Variants in LPIN1 observed in about 807,000 individuals in gnomAD.
LPIN1 encodes phosphatidate phosphatase LPIN1.
A neutral mutation model predicts 107.5 loss-of-function variants in LPIN1; 71 were observed. The observed-to-expected ratio is 0.66, with a 90% CI of 0.55 to 0.80. LPIN1 has a LOEUF of 0.80. Among genes scored for constraint, LPIN1 ranks in the 30% least tolerant of loss-of-function variants. LPIN1 has a pLI of 0.00. For missense variants in LPIN1, 1,043 were observed against 1,160.6 expected, an observed-to-expected ratio of 0.90 and a Z score of 1.47; for synonymous variants, 445 against 452.6, an observed-to-expected ratio of 0.98 and a Z score of 0.21.
intron 1 of LPIN1, among the ~76,000 whole-genome samples, chr2:11,729,448 C>T (rs565122520): frequency 6.6e-6 from 1 of 152,284 alleles, no homozygotes; most frequent in African/African-American, 2.4e-5. Flanking sequence ...TTCACATATG[C>T]AGTTAACATA....
intron 17 of LPIN1, among the ~76,000 whole-genome samples, chr2:11,809,456 G>A (rs1359289251): frequency 6.6e-6 from 1 of 151,812 alleles, no homozygotes; most frequent in Non-Finnish European, 1.5e-5. Flanking sequence ...TGCTCTTGTT[G>A]TCCAGGCTGG....
At chr2:11,700,115 T>C (rs1274054566) in intron 1 of LPIN1, among the ~76,000 whole-genome samples, 4 of 152,132 alleles carry the variant, frequency 2.6e-5, no homozygotes, top group Admixed American at 6.5e-5. Flanking sequence ...GTGAAGTCCC[T>C]GCAAGTGAGC....
rs60914380 is a variant in LPIN1 at position 11,815,741 on chromosome 2, A to G, written c.2402+501A>G. Among the ~76,000 whole-genome samples, 364 of 151,864 alleles carry G rather than the reference A, an allele frequency of 2.4e-3. 1 individual carries two copies. Among genetic ancestry groups the G allele is most frequent in the African/African-American group, 8.3e-3 (343 of 41,388 alleles). ...GCCTTTGACACCCATCATACTTGTC[A>G]TTTTCTGTCTTAGATTTCTGGGAAC... On this transcript the variant is annotated intron_variant, in intron 18 of 20. Coordinates refer to ENST00000674199, the MANE Select transcript of LPIN1 (RefSeq NM_001349206.2).
At chr2:11,735,898 T>TG (rs1315006583) in intron 1 of LPIN1, among the ~76,000 whole-genome samples, 1 of 152,262 alleles carries the variant, frequency 6.6e-6, no homozygotes, top group Non-Finnish European at 1.5e-5. Flanking sequence ...AAGGTCTATC[T>TG]GCTGAGGCAT....
Position 11,765,483 on chromosome 2 carries a change from C to T in LPIN1, c.-9-50C>T. ...GAGGAGTTCATTTTGATTGGCTCTT[C>T]CTTGGATTAATTGTGTGTCTGTGTG... On this transcript the variant is annotated intron_variant, in intron 1 of 20. Coordinates refer to ENST00000674199, the MANE Select transcript of LPIN1 (RefSeq NM_001349206.2). This position sits in a 1 kb window ranked among gnomAD's most constrained non-coding sequence, Gnocchi z 4.4. 3 of 1,546,000 alleles carry T rather than the reference C, an allele frequency of 1.9e-6. No individual in the cohort carries two copies. The highest frequency in any genetic ancestry group is 2.6e-6 in the Non-Finnish European group (3 of 1,132,348).
In LPIN1 at chr2:11,707,421, C is replaced by A. The variant is rs1028984622; in HGVS notation, c.82-6335C>A. 2.6e-5 allele frequency among the ~76,000 whole-genome samples: 4 copies of A among 152,172 alleles called. No individual in the cohort carries two copies. Among genetic ancestry groups the A allele is most frequent in the African/African-American group, 9.7e-5 (4 of 41,440 alleles). On this transcript the variant is annotated intron_variant, in intron 1 of 21. Coordinates refer to the LPIN1 transcript ENST00000449576. The surrounding 1 kb of genome is among the most constrained non-coding windows in gnomAD (Gnocchi z 4.2). ...AGGTGGCAGGAGGTGAGTCCGGAAC[C>A]GTGGCCAGACCCCCTGAGGCCACTG...
intron 1 of LPIN1, among the ~76,000 whole-genome samples, chr2:11,691,130 CCTA>C (rs1662253507): frequency 1.4e-5 from 2 of 144,682 alleles, no homozygotes; most frequent in South Asian, 4.5e-4. Context: ...CACACCAACT[CCTA>C]GTCCTTTGTT....
chr2:11,722,852 T>C (rs1288715207), upstream of LPIN1, among the ~76,000 whole-genome samples: 1 of 152,250 alleles, frequency 6.6e-6, no homozygotes, highest in Non-Finnish European at 1.5e-5. Flanking sequence ...GTGAATATTT[T>C]AGGAACAATC....
intron 13 of LPIN1, among the ~76,000 whole-genome samples, chr2:11,793,462 G>A (rs1676129596): frequency 1.3e-5 from 2 of 152,260 alleles, no homozygotes; most frequent in East Asian, 1.9e-4. Context: ...GCCTTACTGT[G>A]GTTCCCCAGG....
intron 1 of LPIN1, among the ~76,000 whole-genome samples, chr2:11,704,667 C>T (rs1440519621): frequency 1.3e-5 from 2 of 152,160 alleles, no homozygotes; most frequent in Non-Finnish European, 1.5e-5. Flanking sequence ...GCATCCAGCC[C>T]CTCATTGTAC....
chr2:11,787,201 C>A (rs1384612548), intron 11 of LPIN1, 34 bp downstream of exon 11: 2 of 1,352,244 alleles, frequency 1.5e-6, no homozygotes, highest in South Asian at 1.2e-5. Flanking sequence ...TTGGCAGTAG[C>A]ATGATACTGT....
chr2:11,745,564 G>T (rs962614170), upstream of LPIN1, among the ~76,000 whole-genome samples: 2 of 152,154 alleles, frequency 1.3e-5, no homozygotes, highest in Admixed American at 6.5e-5. Flanking sequence ...TGAAAAATTA[G>T]CTGGGCGTGG....
chr2:11,787,395 T>TTC (rs1168895878), intron 11 of LPIN1, among the ~76,000 whole-genome samples: 17 of 112,868 alleles, frequency 1.5e-4, no homozygotes, highest in Admixed American at 4.7e-4. Context: ...TTCTTTTCTT[T>TTC]TTCTTTTTTT....
At chr2:11,755,151 C>A (rs1443828327) in intron 1 of LPIN1, among the ~76,000 whole-genome samples, 1 of 151,816 alleles carries the variant, frequency 6.6e-6, no homozygotes, top group African/African-American at 2.4e-5. Flanking sequence ...GTATTTTTAG[C>A]AGAGACGGGG....
chr2:11,757,191 T>C (rs1351861867), intron 1 of LPIN1, among the ~76,000 whole-genome samples: 2 of 152,232 alleles, frequency 1.3e-5, no homozygotes, highest in Non-Finnish European at 2.9e-5. Context: ...ATAGCAGGCA[T>C]CTGAAAGCCG....
intron 1 of LPIN1, among the ~76,000 whole-genome samples, chr2:11,695,582 T>C (rs1029199664): frequency 6.6e-6 from 1 of 152,214 alleles, no homozygotes; most frequent in African/African-American, 2.4e-5. Flanking sequence ...TCAGGTTCTT[T>C]CCTCACATGG....
At chr2:11,695,268 C>T (rs1378177039) in intron 1 of LPIN1, among the ~76,000 whole-genome samples, 2 of 152,110 alleles carry the variant, frequency 1.3e-5, no homozygotes, top group African/African-American at 4.8e-5. Flanking sequence ...ATGCCCAAGG[C>T]TAAAAGTGCA....
intron 1 of LPIN1, chr2:11,682,614 T>G (rs532213595): frequency 6.6e-6 from 1 of 152,160 alleles, no homozygotes; most frequent in South Asian, 2.1e-4. Context: ...CTCTGTAAAG[T>G]TGGAGTGCAG....
chr2:11,724,660 A>T, intron 1 of LPIN1: 2 of 984,618 alleles, frequency 2.0e-6, no homozygotes, highest in Non-Finnish European at 2.4e-6. Flanking sequence ...GCAGGCAGGG[A>T]GGGTGGGGAA....
Sources: gnomAD v4.1 joint callset for allele counts (sites outside exome capture counted in the v4.1 genomes callset) on GRCh38, gnomAD v4.1.1 for gene constraint, Gnocchi (gnomAD v3.1) non-coding constraint, MANE v1.5 for transcripts, NCBI Gene and HGNC (gene_info 2026-07-23, HGNC 2026-07-21) for gene names.